The following NBEAL1 variants were observed in gnomAD, a reference collection of about 807,000 sequenced individuals.
NBEAL1 encodes neurobeachin-like protein 1.
Under a neutral mutation model 351.3 loss-of-function variants are expected in NBEAL1, and 273 were observed. The ratio of observed to expected loss-of-function variants is 0.78; its 90% CI spans 0.70 to 0.86. NBEAL1 has a LOEUF of 0.86. Among genes scored for constraint, NBEAL1 ranks in the 40% least tolerant of loss-of-function variants. The pLI is 0.00. For missense variants in NBEAL1, 2,961 were observed against 3,201.3 expected (o/e 0.92, Z 1.81); for synonymous variants, 1,050 against 1,086.4 (o/e 0.97, Z 0.66).
chr2:203,163,076 G>T (rs928272085), intron 36 of NBEAL1, among the ~76,000 whole-genome samples: 3 of 152,212 alleles, frequency 2.0e-5, no homozygotes, highest in African/African-American at 7.2e-5. Flanking sequence ...GGAATCTCTT[G>T]AACCTGGGAG....
chr2:203,204,075 C>T (rs565331433), intron 51 of NBEAL1, among the ~76,000 whole-genome samples: 2 of 151,418 alleles, frequency 1.3e-5, no homozygotes, highest in East Asian at 2.0e-4. Context: ...ACTACAAGCG[C>T]GTGCCACCAT....
chr2:203,084,955 C>T (rs1249347912), intron 10 of NBEAL1: 1 of 160,036 alleles, frequency 6.2e-6, no homozygotes, highest in African/African-American at 2.4e-5. Context: ...TCTTCTACCA[C>T]AGTTTGTAGA....
At chr2:203,201,434 C>A in intron 49 of NBEAL1, 109 bp from the exon 50 acceptor site, 1 of 839,230 alleles carries the variant, frequency 1.2e-6, no homozygotes. Context: ...TCAAATAGGA[C>A]ATTTGGGACT....
At chr2:203,074,940 G>A (rs1176495296) in intron 7 of NBEAL1, 1 of 152,674 alleles carries the variant, frequency 6.5e-6, no homozygotes, top group East Asian at 1.9e-4. Context: ...AGTCAAGTTT[G>A]TATCTTCTCT....
intron 23 of NBEAL1, among the ~76,000 whole-genome samples, chr2:203,127,178 AAGG>A (rs1161688399): frequency 6.6e-6 from 1 of 152,184 alleles, no homozygotes; most frequent in African/African-American, 2.4e-5. Context: ...TCATTTTTGA[AAGG>A]AGATAAGAAA....
intron 4 of NBEAL1, among the ~76,000 whole-genome samples, chr2:203,051,711 T>C (rs2061325978): frequency 1.3e-5 from 2 of 152,146 alleles, no homozygotes; most frequent in East Asian, 1.9e-4. Flanking sequence ...ATTTTGGTAA[T>C]AGAGGGAAGC....
At chr2:203,171,271 G>A (rs2064310772) in intron 39 of NBEAL1, among the ~76,000 whole-genome samples, 2 of 145,134 alleles carry the variant, frequency 1.4e-5, no homozygotes, top group East Asian at 2.2e-4. Flanking sequence ...AAATAAAAAA[G>A]TAATTTAAAA....
Position 203,045,883 on chromosome 2 carries a change from C to T in NBEAL1, c.144-3931C>T, listed in dbSNP as rs535742298. 2.6e-5 allele frequency among the ~76,000 whole-genome samples: 4 copies of T among 152,266 alleles called. No individual in the cohort carries two copies. The East Asian group carries it at 5.8e-4, about 22-fold the overall frequency. Reference sequence around the variant, plus strand: ...GGGATAGGAAATTAGTATACAGTGGCTTATGAAAAGATTCTGAAGCTTTAG... The same window carrying T: ...GGGATAGGAAATTAGTATACAGTGGTTTATGAAAAGATTCTGAAGCTTTAG... On this transcript the variant is annotated intron_variant, in intron 3 of 55. Transcript: ENST00000683969.
chr2:203,173,546 T>C (rs1165057247), intron 41 of NBEAL1, among the ~76,000 whole-genome samples: 1 of 152,134 alleles, frequency 6.6e-6, no homozygotes, highest in African/African-American at 2.4e-5. Context: ...TTTTTTTTTC[T>C]ACTTTTTCTT....
chr2:203,047,327 G>A (rs983877646), intron 3 of NBEAL1, among the ~76,000 whole-genome samples: 3 of 151,146 alleles, frequency 2.0e-5, no homozygotes, highest in African/African-American at 7.3e-5. Context: ...CAACCTACAT[G>A]AGAATGGGTA....
Position 203,208,905 on chromosome 2 carries a change from CA to C in NBEAL1, c.7623+156del, listed in dbSNP as rs879207360. 8.5e-5 allele frequency: 54 copies of C among 635,776 alleles called. No individual in the cohort carries two copies. In the South Asian group the frequency reaches 1.3e-3, roughly 15 times the overall value. The allele number at this position is 635,776 out of a possible 1,614,324, so 39.4% of individuals were successfully genotyped here. A position where few individuals can be genotyped will look rare whatever the true frequency, so the allele number is the denominator to read the frequency against. ...CTTTGCAAAAGTAGAATAGACTTTG[CA>C]AAATAAAGAAATCACTGAATGCCAT... is the stretch of plus-strand genomic sequence containing the variant. On this transcript the variant is annotated intron_variant, in intron 52 of 55. Transcript: ENST00000683969.
rs80037864 is a variant in NBEAL1 at position 203,129,654 on chromosome 2, G to A, written c.3406-664G>A. On this transcript the variant is annotated intron_variant, in intron 24 of 55. Transcript: ENST00000683969. Reference sequence around the variant, plus strand: ...TTATTCTTTTAAGCTAATGGGGCAGGGGTCAATAAGAGAAGTTTACAAATA... The same window carrying A: ...TTATTCTTTTAAGCTAATGGGGCAGAGGTCAATAAGAGAAGTTTACAAATA... 9.7e-3 allele frequency among the ~76,000 whole-genome samples: 1,476 copies of A among 152,102 alleles called. 25 individuals carry two copies. The highest frequency in any genetic ancestry group is 0.034 in the African/African-American group (1,428 of 41,492).
chr2:203,041,202 C>T (rs2061135140), intron 2 of NBEAL1, among the ~76,000 whole-genome samples: 1 of 152,170 alleles, frequency 6.6e-6, no homozygotes, highest in Admixed American at 6.5e-5. Context: ...ATGAGTAACT[C>T]AAGCATTTGT....
intron 6 of NBEAL1, among the ~76,000 whole-genome samples, chr2:203,067,086 G>A (rs914102072): frequency 3.9e-5 from 6 of 151,904 alleles, no homozygotes; most frequent in Admixed American, 2.6e-4. Context: ...CAGGGCAGCC[G>A]GGCAGAGGCG....
At chr2:203,063,461 G>A (rs2061532268) in intron 6 of NBEAL1, among the ~76,000 whole-genome samples, 1 of 147,394 alleles carries the variant, frequency 6.8e-6, no homozygotes, top group Non-Finnish European at 1.5e-5. Context: ...AGGGAGGGAG[G>A]GAGGGAGGGA....
At chr2:203,115,096 C>T (rs1434287855) in intron 17 of NBEAL1, among the ~76,000 whole-genome samples, 5 of 149,980 alleles carry the variant, frequency 3.3e-5, no homozygotes, top group African/African-American at 4.9e-5. Flanking sequence ...GGATTCAAGA[C>T]GTGTTATTTA....
At chr2:203,155,717 G>A (rs1409189298) in intron 35 of NBEAL1, among the ~76,000 whole-genome samples, 1 of 152,058 alleles carries the variant, frequency 6.6e-6, no homozygotes, top group African/African-American at 2.4e-5. Flanking sequence ...CAGAGTGCTG[G>A]GATTACAGGC....
At chr2:203,197,253 C>T (rs943207410) in intron 47 of NBEAL1, 49 bp from the exon 48 acceptor site, 1 of 1,038,606 alleles carries the variant, frequency 9.6e-7, no homozygotes, top group Non-Finnish European at 1.5e-6. Flanking sequence ...GTAATTTGTA[C>T]CTAATAAAGA....
chr2:203,083,118 A>G lies in NBEAL1; in HGVS notation c.685-101A>G, dbSNP rs886382968. The G allele has an allele frequency of 8.0e-5, 82 of 1,026,626 alleles. No individual in the cohort carries two copies. In the African/African-American group the frequency reaches 1.2e-3, roughly 15 times the overall value. The allele number at this position is 1,026,626 out of a possible 1,614,324, so 63.6% of individuals were successfully genotyped here. The stretch of plus-strand genomic sequence containing the variant: ...TGTTACAAATTTTTATGTCTTTATT[A>G]AAAGAAAAGGTTGCCTGCAGATGTA... On this transcript the variant is annotated intron_variant, in intron 8 of 55. Transcript: ENST00000683969.
Sources: gnomAD v4.1 joint callset for allele counts (sites outside exome capture counted in the v4.1 genomes callset) on GRCh38, gnomAD v4.1.1 for gene constraint, MANE v1.5 for transcripts, NCBI Gene and HGNC (gene_info 2026-07-23, HGNC 2026-07-21) for gene names.